KIF1A: variants seen among roughly 807,000 people sequenced by gnomAD.
KIF1A encodes the protein kinesin-like protein KIF1A.
Under a neutral mutation model 227.3 loss-of-function variants are expected in KIF1A, and 46 were observed. That is an observed-to-expected ratio of 0.20 (90% CI 0.16 to 0.26). The LOEUF (loss-of-function observed/expected upper bound fraction) is 0.26. KIF1A is among the 10% of genes least tolerant of loss of function. The pLI, the probability that KIF1A is intolerant of heterozygous loss-of-function variation, is 1.00. For missense variants in KIF1A, 1,683 were observed against 2,485.9 expected, an observed-to-expected ratio of 0.68 and a Z score of 6.87; for synonymous variants, 1,022 against 1,012.8, an observed-to-expected ratio of 1.01 and a Z score of -0.17.
chr2:240,743,917 G>C (rs373862819), intron 33 of KIF1A, 25 bp downstream of exon 33: 64 of 1,502,388 alleles, frequency 4.3e-5, no homozygotes, highest in Non-Finnish European at 5.6e-5. Context: ...CAGCAGCCCC[G>C]AACCCCCCGA....
chr2:240,787,902 C>A, intron 4 of KIF1A, 149 bp downstream of exon 4: 1 of 721,472 alleles, frequency 1.4e-6, no homozygotes, highest in Non-Finnish European at 2.3e-6. Flanking sequence ...CTCACCTGCC[C>A]CAGCCCCACT....
chr2:240,787,515 G>A (rs574839918), intron 4 of KIF1A, among the ~76,000 whole-genome samples, 199 bp from the exon 5 acceptor site: 2 of 152,290 alleles, frequency 1.3e-5, no homozygotes, highest in African/African-American at 4.8e-5. Flanking sequence ...TTAACTCAGG[G>A]GTCCCTGGCT....
chr2:240,774,171 T>G lies in KIF1A; in HGVS notation c.1037+12A>C. The G allele has an allele frequency of 1.3e-6, 2 of 1,561,200 alleles. No individual in the cohort carries two copies. Among genetic ancestry groups the G allele is most frequent in the South Asian group, 2.3e-5 (2 of 87,752 alleles). The stretch of plus-strand genomic sequence containing the variant: ...GAGCGGGAAGCAGAGCTTGTCTCCC[T>G]GGAGAACTCACCTCAGCGTGCTAAG... On this transcript the variant is annotated intron_variant, in intron 12 of 48. Transcript: ENST00000498729.
intron 2 of KIF1A, among the ~76,000 whole-genome samples, chr2:240,796,718 C>A (rs985207835): frequency 2.6e-5 from 4 of 152,170 alleles, no homozygotes; most frequent in African/African-American, 9.7e-5. Context: ...CAGAGCTCCA[C>A]GGGCTTCTGG....
chr2:240,745,580 G>C, intron 31 of KIF1A, 63 bp from the exon 32 acceptor site: 1 of 1,507,730 alleles, frequency 6.6e-7, no homozygotes, highest in Non-Finnish European at 9.1e-7. Flanking sequence ...CTTACCAGGT[G>C]GAACCCACCT....
In KIF1A at chr2:240,786,418, C is replaced by T; in HGVS notation, c.525G>A (p.Gly175=). 6.2e-7 allele frequency: 1 copy of T among 1,613,664 alleles called. No homozygotes were observed. Among genetic ancestry groups the T allele is most frequent in the South Asian group, 1.1e-5 (1 of 91,088 alleles). ...NLRVREHPLL[G]PYVEDLSKLA... ...GCTTGGAGAGGTCCTCCACGTAGGGCCCCAGCAGTGGGTGCTCCCTCACGC... is the reference window on the plus strand; with the variant it reads ...GCTTGGAGAGGTCCTCCACGTAGGGTCCCAGCAGTGGGTGCTCCCTCACGC... Residue 175 remains glycine (G), a synonymous_variant, in exon 6 of 49, where the codon GGG becomes GGA. Transcript: ENST00000498729.
At chr2:240,771,426 C>T in intron 14 of KIF1A, 1 of 423,700 alleles carries the variant, frequency 2.4e-6, no homozygotes, top group Non-Finnish European at 4.4e-6. Flanking sequence ...CCCTCCCCAG[C>T]AGCAGCATGG....
intron 38 of KIF1A, among the ~76,000 whole-genome samples, chr2:240,735,680 G>C (rs992757955): frequency 2.0e-5 from 3 of 152,112 alleles, no homozygotes; most frequent in Admixed American, 2.0e-4. Flanking sequence ...ACACTCTGCA[G>C]GCAGCGCCCG....
intron 22 of KIF1A, 58 bp from the exon 23 acceptor site, chr2:240,762,870 C>T: frequency 6.7e-7 from 1 of 1,494,644 alleles, no homozygotes; most frequent in Non-Finnish European, 9.1e-7. Flanking sequence ...GCCTCTCACA[C>T]TGCGCCTAGA....
rs377748137 is a variant in KIF1A, at chr2:240,720,076, C to T, written c.4869-150G>A. On this transcript the variant is annotated intron_variant, in intron 45 of 48. Transcript: ENST00000498729. ...CAGCTGTGCCCACAGTGGGAGCTCC[C>T]GGGGCCCGTCCACCAGGATAGCCAA... 2.5e-4 allele frequency: 164 copies of T among 645,802 alleles called. 1 individual carries two copies. Among genetic ancestry groups the T allele is most frequent in the African/African-American group, 8.4e-4 (44 of 52,154 alleles). 40.0% of individuals were successfully genotyped at this position (645,802 alleles called of 1,614,324 possible).
chr2:240,814,633 A>G (rs1351248258), intron 1 of KIF1A, among the ~76,000 whole-genome samples: 1 of 152,220 alleles, frequency 6.6e-6, no homozygotes, highest in African/African-American at 2.4e-5. Flanking sequence ...AACTCATTCA[A>G]GAAAATAAAA....
chr2:240,785,118 A>T lies in KIF1A; in HGVS notation c.609-18T>A. ...CCACGGTCCTGAGGAGCAGAAAGCC[A>T]CGCACGGTTACCCCTCGTCCTGTGG... On this transcript the variant is annotated intron_variant, in intron 6 of 48. Coordinates refer to ENST00000498729, the MANE Select transcript of KIF1A (RefSeq NM_001244008.2). 6.3e-7 allele frequency: 1 copy of T among 1,596,970 alleles called. No individual in the cohort carries two copies. The highest frequency in any genetic ancestry group is 8.6e-7 in the Non-Finnish European group (1 of 1,166,960).
Position 240,740,415 on chromosome 2 carries a change from T to G in KIF1A, c.3750-51A>C. The G allele has an allele frequency of 6.7e-7, 1 of 1,484,448 alleles. No homozygotes were observed. The highest frequency in any genetic ancestry group is 1.1e-5 in the South Asian group (1 of 87,824). The allele number at this position is 1,484,448 out of a possible 1,614,324, so 92.0% of individuals were successfully genotyped here. On this transcript the variant is annotated intron_variant, in intron 35 of 48. Transcript: ENST00000498729. This position sits in a 1 kb window ranked among gnomAD's most constrained non-coding sequence, Gnocchi z 6.1. ...AGCGGCCAGCCCCTCCTCTCTGCCC[T>G]CCCCGCAGCACAGGACACAGTGGAC... is the stretch of plus-strand genomic sequence containing the variant.
Position 240,722,593 on chromosome 2 carries a change from G to T in KIF1A, c.4528C>A (p.Pro1510Thr). The change falls in exon 43 of 49, where the codon CCG (proline) becomes ACG (threonine). Residue 1510 changes from proline (P) to threonine (T), a missense_variant. Transcript: ENST00000498729. ...CTGAAGGCCGGGGACAGTGCCTCCG[G>T]GACAGGCCGCTGGGCGGTCTCCAGC... ...EKLETAQRPV[P>T]EALSPAFSED... The T allele has an allele frequency of 6.4e-7, 1 of 1,564,392 alleles. No homozygotes were observed.
In KIF1A at chr2:240,740,549, C is replaced by T. The variant is rs1217233284; in HGVS notation, c.3750-185G>A. 6.6e-6 allele frequency among the ~76,000 whole-genome samples: 1 copy of T among 152,104 alleles called. No homozygotes were observed. Among genetic ancestry groups the T allele is most frequent in the East Asian group, 1.9e-4 (1 of 5,190 alleles). Reference sequence around the variant, plus strand: ...ACAGAAACCCACCAGGCCTCCTTGGCTATCACCTCCCAGCCCTGCCCACTG... The same window carrying T: ...ACAGAAACCCACCAGGCCTCCTTGGTTATCACCTCCCAGCCCTGCCCACTG... On this transcript the variant is annotated intron_variant, in intron 35 of 48. Coordinates refer to ENST00000498729, the MANE Select transcript of KIF1A (RefSeq NM_001244008.2). The surrounding 1 kb of genome is among the most constrained non-coding windows in gnomAD (Gnocchi z 6.1).
intron 20 of KIF1A, among the ~76,000 whole-genome samples, chr2:240,765,225 G>A (rs931794860): frequency 2.0e-5 from 3 of 152,248 alleles, no homozygotes; most frequent in Admixed American, 6.5e-5. Context: ...GTGCCTGCAC[G>A]TGTTTGAACA....
chr2:240,720,027 T>C, intron 45 of KIF1A, 101 bp from the exon 46 acceptor site: 4 of 1,244,568 alleles, frequency 3.2e-6, no homozygotes, highest in Non-Finnish European at 4.3e-6. Context: ...GAAGGTGCAG[T>C]AGGGCACCTT....
chr2:240,727,483 C>T (rs1174701739), intron 38 of KIF1A, among the ~76,000 whole-genome samples: 1 of 152,230 alleles, frequency 6.6e-6, no homozygotes, highest in Non-Finnish European at 1.5e-5. Flanking sequence ...TTGCCAAAAA[C>T]CTCCATGGTC....
intron 46 of KIF1A, 89 bp from the exon 47 acceptor site, chr2:240,719,287 G>A (rs895019978): frequency 2.3e-5 from 33 of 1,410,358 alleles, no homozygotes; most frequent in Middle Eastern, 4.6e-4. Flanking sequence ...GAGCTGGGAC[G>A]CAGCAGTGCC....
Sources: allele counts gnomAD v4.1 joint callset (sites outside exome capture counted in the v4.1 genomes callset), GRCh38; gene constraint gnomAD v4.1.1; non-coding constraint Gnocchi (gnomAD v3.1); transcripts MANE v1.5; gene names NCBI Gene and HGNC (gene_info 2026-07-23, HGNC 2026-07-21).